Variants in TSHZ1 observed in about 807,000 individuals in gnomAD.
The protein encoded by TSHZ1 is teashirt zinc finger homeobox 1, also known as teashirt homolog 1.
In TSHZ1, 12 loss-of-function variants were observed where a neutral mutation model predicts 67.1. That is an observed-to-expected ratio of 0.18 (90% CI 0.11 to 0.29). The LOEUF (loss-of-function observed/expected upper bound fraction) is 0.29. Ranked by LOEUF, TSHZ1 falls within the 10% of genes least tolerant of loss-of-function variation. The pLI, the probability that TSHZ1 is intolerant of heterozygous loss-of-function variation, is 1.00. For missense variants in TSHZ1, 1,305 were observed against 1,413.9 expected, an observed-to-expected ratio of 0.92 and a Z score of 1.23; for synonymous variants, 632 against 622.4, an observed-to-expected ratio of 1.02 and a Z score of -0.23.
chr18:75,271,497 G>A (rs2023556243), intron 1 of TSHZ1, among the ~76,000 whole-genome samples: 2 of 152,156 alleles, frequency 1.3e-5, no homozygotes, highest in Non-Finnish European at 2.9e-5. Context: ...GGCACCCTGG[G>A]CCTGTGTCTT....
At chr18:75,238,774 G>C (rs937937325) in intron 1 of TSHZ1, among the ~76,000 whole-genome samples, 4 of 152,190 alleles carry the variant, frequency 2.6e-5, no homozygotes, top group African/African-American at 9.7e-5. Flanking sequence ...AATCACAACA[G>C]AACAAATCTT....
intron 1 of TSHZ1, among the ~76,000 whole-genome samples, chr18:75,247,103 T>C (rs1238634637): frequency 6.6e-6 from 1 of 152,210 alleles, no homozygotes; most frequent in Non-Finnish European, 1.5e-5. Context: ...GAGCATTTGG[T>C]AGGCATTGCT....
intron 1 of TSHZ1, among the ~76,000 whole-genome samples, chr18:75,250,512 G>A (rs1175011049): frequency 3.9e-5 from 6 of 152,180 alleles, no homozygotes; most frequent in Admixed American, 6.5e-5. Context: ...ACGGGGCGGT[G>A]CGGGCTGGCC....
chr18:75,236,018 G>T (rs967362548), intron 1 of TSHZ1, among the ~76,000 whole-genome samples: 1 of 152,192 alleles, frequency 6.6e-6, no homozygotes, highest in African/African-American at 2.4e-5. Flanking sequence ...TGCATGATAG[G>T]AAGCGTGCGT....
chr18:75,262,027 A>G (rs976684307), intron 1 of TSHZ1, among the ~76,000 whole-genome samples: 1 of 152,162 alleles, frequency 6.6e-6, no homozygotes, highest in African/African-American at 2.4e-5. Context: ...TGCAGGGGGA[A>G]GCTGCTGGTT....
rs749539839 is a variant in TSHZ1, at chr18:75,285,982, G to C, written c.575G>C (p.Ser192Thr). Reference sequence around the variant, plus strand: ...AGCCACAGCAGTACCACCAGTACCAGCAGCAGCTCCGGGTACGACTGGCAC... The same window carrying C: ...AGCCACAGCAGTACCACCAGTACCACCAGCAGCTCCGGGTACGACTGGCAC... The part of the protein sequence containing the change: ...STSHSSTTST[S>T]SSSGYDWHQA... The change falls in exon 2 of 2, where the codon AGC becomes ACC. Residue 192 changes from serine (S) to threonine (T), a missense_variant. By Grantham distance (58) the Ser-to-Thr change is moderately conservative (BLOSUM62 1). Around this residue, in one of 3 missense-constraint regions of TSHZ1, gnomAD observed 358 missense variants for 375.6 expected, o/e 0.95. Coordinates refer to ENST00000580243, the MANE Select transcript of TSHZ1 (RefSeq NM_001308210.2). 6.3e-7 allele frequency: 1 copy of C among 1,597,216 alleles called. No homozygotes were observed. Among genetic ancestry groups the C allele is most frequent in the Admixed American group, 1.7e-5 (1 of 58,072 alleles).
intron 1 of TSHZ1, among the ~76,000 whole-genome samples, chr18:75,254,224 T>G (rs1426118693): frequency 6.6e-6 from 1 of 152,244 alleles, no homozygotes; most frequent in Non-Finnish European, 1.5e-5. Context: ...TTTTAATAAA[T>G]GTGTCTCTTA....
At chr18:75,279,535 C>T (rs1014815075) in intron 1 of TSHZ1, among the ~76,000 whole-genome samples, 1 of 152,086 alleles carries the variant, frequency 6.6e-6, no homozygotes, top group Non-Finnish European at 1.5e-5. Context: ...GGATGGAGAA[C>T]CCCCTGCAGT....
At chr18:75,249,675 A>T (rs1020940681) in intron 1 of TSHZ1, among the ~76,000 whole-genome samples, 4 of 140,184 alleles carry the variant, frequency 2.9e-5, no homozygotes, top group African/African-American at 1.1e-4. Context: ...TGGGGGACGT[A>T]TGACCTCCTC....
chr18:75,267,741 A>G (rs2023507236), intron 1 of TSHZ1, among the ~76,000 whole-genome samples: 1 of 152,204 alleles, frequency 6.6e-6, no homozygotes, highest in Admixed American at 6.5e-5. Flanking sequence ...TGAGTATGAG[A>G]AAGATGGTGA....
chr18:75,287,621 G>C lies in TSHZ1; in HGVS notation c.2214G>C (p.Pro738=). The C allele has an allele frequency of 6.2e-7, 1 of 1,614,162 alleles. No individual in the cohort carries two copies. The highest frequency in any genetic ancestry group is 8.5e-7 in the Non-Finnish European group (1 of 1,180,046). ...NNLGIIMDHS[P]EPSFINPLSA... is the part of the protein sequence containing the mutation. ...TGGGGATCATCATGGACCACTCACC[G>C]GAGCCTTCCTTCATCAACCCGCTGA... The change falls in exon 2 of 2, where the codon CCG becomes CCC. Residue 738 remains proline, a synonymous_variant. Coordinates refer to ENST00000580243, the MANE Select transcript of TSHZ1 (RefSeq NM_001308210.2). This position sits in a 1 kb window ranked among gnomAD's most constrained non-coding sequence, Gnocchi z 5.0.
At chr18:75,219,566 A>G in intron 1 of TSHZ1, among the ~76,000 whole-genome samples, 1 of 152,230 alleles carries the variant, frequency 6.6e-6, no homozygotes, top group East Asian at 1.9e-4. Flanking sequence ...CTTGCTATAG[A>G]ATAATTGTAG....
chr18:75,245,442 A>G (rs1040285875), intron 1 of TSHZ1: 1 of 152,172 alleles, frequency 6.6e-6, no homozygotes, highest in African/African-American at 2.4e-5. Context: ...TGGTATTTTA[A>G]ATATCTTTTT....
intron 1 of TSHZ1, among the ~76,000 whole-genome samples, chr18:75,249,496 G>A (rs1198465128): frequency 6.6e-6 from 1 of 151,654 alleles, no homozygotes; most frequent in African/African-American, 2.4e-5. Context: ...GGGAAGGGTA[G>A]GTAACTTCCT....
chr18:75,251,367 C>T (rs1203828068), intron 1 of TSHZ1, among the ~76,000 whole-genome samples: 3 of 151,406 alleles, frequency 2.0e-5, no homozygotes, highest in African/African-American at 7.3e-5. Flanking sequence ...TTTTTTTTTG[C>T]TCTACAGATA....
rs779208870 is a variant in TSHZ1, at chr18:75,288,783, A to T, written c.*142A>T. 7.5e-7 allele frequency: 1 copy of T among 1,340,326 alleles called. No individual in the cohort carries two copies. The highest frequency in any genetic ancestry group is 9.9e-7 in the Non-Finnish European group (1 of 1,005,594). 83.0% of individuals were successfully genotyped at this position (1,340,326 alleles called of 1,614,324 possible). The stretch of plus-strand genomic sequence containing the variant: ...CTTGGTTTTCTTACACATATTTTGT[A>T]TATTTATATGCTCTCTGTCCGATCT... On this transcript the variant is annotated 3_prime_UTR_variant, in exon 2 of 2. Coordinates refer to ENST00000580243, the MANE Select transcript of TSHZ1 (RefSeq NM_001308210.2). This position sits in a 1 kb window ranked among gnomAD's most constrained non-coding sequence, Gnocchi z 4.9.
chr18:75,256,766 T>G (rs1015335948), intron 1 of TSHZ1, among the ~76,000 whole-genome samples: 1 of 152,356 alleles, frequency 6.6e-6, no homozygotes, highest in South Asian at 2.1e-4. Context: ...ATGAAGTTTT[T>G]GGGTAATTCC....
chr18:75,258,400 G>A (rs1012511571), intron 1 of TSHZ1, among the ~76,000 whole-genome samples: 2 of 152,134 alleles, frequency 1.3e-5, no homozygotes, highest in African/African-American at 4.8e-5. Context: ...CTTTCAATAA[G>A]TACACATGGG....
intron 1 of TSHZ1, among the ~76,000 whole-genome samples, chr18:75,252,455 T>TA (rs960082083): frequency 6.6e-6 from 1 of 152,240 alleles, no homozygotes; most frequent in Non-Finnish European, 1.5e-5. Flanking sequence ...GAGTTGTTTT[T>TA]ATGTAGTTTA....
Sources: allele counts gnomAD v4.1 joint callset (sites outside exome capture counted in the v4.1 genomes callset), GRCh38; gene constraint gnomAD v4.1.1; regional missense constraint gnomAD v4.1.1; non-coding constraint Gnocchi (gnomAD v3.1); transcripts MANE v1.5; gene names NCBI Gene and HGNC (gene_info 2026-07-23, HGNC 2026-07-21).